The following LMNTD1 variants were observed in gnomAD, a reference collection of about 807,000 sequenced individuals.
LMNTD1 encodes the protein lamin tail domain-containing protein 1.
Under a neutral mutation model 50.9 loss-of-function variants are expected in LMNTD1, and 35 were observed. That is an observed-to-expected ratio of 0.69 (90% CI 0.53 to 0.91). The LOEUF (loss-of-function observed/expected upper bound fraction) is 0.91. Ranked by LOEUF, LMNTD1 falls within the 40% of genes least tolerant of loss-of-function variation. The pLI, the probability that LMNTD1 is intolerant of heterozygous loss-of-function variation, is 0.00. For synonymous variants in LMNTD1, 153 were observed against 161.9 expected (o/e 0.94, Z 0.42); for missense variants, 470 against 475.5 (o/e 0.99, Z 0.11).
chr12:25,519,862 TAAG>T lies in LMNTD1; in HGVS notation c.1009_1011del (p.Leu337del). 3 of 1,607,636 alleles carry T rather than the reference TAAG, an allele frequency of 1.9e-6. No homozygotes were observed. Among genetic ancestry groups the T allele is most frequent in the South Asian group, 2.2e-5 (2 of 90,778 alleles). On this transcript the variant is annotated inframe_deletion, in exon 7 of 10. Coordinates refer to ENST00000458174, the MANE Select transcript of LMNTD1 (RefSeq NM_001145728.2). ...AACAAACCAAACAACCCTTACCTCT[TAAG>T]AAGAACTTGAGCTTGTTCCACCTGA...
At chr12:25,634,334 A>T (rs1009564801) in intron 1 of LMNTD1, among the ~76,000 whole-genome samples, 1 of 152,222 alleles carries the variant, frequency 6.6e-6, no homozygotes, top group Non-Finnish European at 1.5e-5. Flanking sequence ...AATTCATTCT[A>T]TGAAGCCAGC....
At chr12:25,549,958 A>G (rs1195372257) in intron 2 of LMNTD1, among the ~76,000 whole-genome samples, 1 of 152,146 alleles carries the variant, frequency 6.6e-6, no homozygotes, top group South Asian at 2.1e-4. Context: ...CCTTTCCGTT[A>G]TCATAAAATC....
At chr12:25,572,845 G>GA (rs1249777399) in intron 1 of LMNTD1, among the ~76,000 whole-genome samples, 5 of 148,702 alleles carry the variant, frequency 3.4e-5, no homozygotes, top group East Asian at 4.1e-4. Context: ...TAACTTTAGG[G>GA]AAAAAAACAG....
At position 25,523,114 on chromosome 12, in the gene LMNTD1, A is replaced by T. The variant is rs151185721; in HGVS notation, c.798+2985T>A. On this transcript the variant is annotated intron_variant, in intron 6 of 9. Coordinates refer to ENST00000458174, the MANE Select transcript of LMNTD1 (RefSeq NM_001145728.2). ...AGTGGTGCAATCTTGGCTCACTGCA[A>T]CCTCCGCCTCCCAGGTTCAAGCAAT... Among the ~76,000 whole-genome samples the T allele has an allele frequency of 3.3e-5, 5 of 152,072 alleles. No homozygotes were observed. The South Asian group carries it at 1.0e-3, about 32-fold the overall frequency.
At chr12:25,585,416 A>G (rs1945478091) in intron 1 of LMNTD1, among the ~76,000 whole-genome samples, 1 of 152,220 alleles carries the variant, frequency 6.6e-6, no homozygotes, top group Non-Finnish European at 1.5e-5. Context: ...CTGTGATGAA[A>G]CAGGTCATTT....
chr12:25,523,270 G>C (rs1941474584), intron 6 of LMNTD1, among the ~76,000 whole-genome samples: 1 of 152,150 alleles, frequency 6.6e-6, no homozygotes, highest in Non-Finnish European at 1.5e-5. Flanking sequence ...CTGACCTTGT[G>C]ATCCGCCCGC....
At chr12:25,496,769 G>A (rs1353329707) in intron 9 of LMNTD1, among the ~76,000 whole-genome samples, 4 of 152,128 alleles carry the variant, frequency 2.6e-5, no homozygotes, top group Non-Finnish European at 5.9e-5. Context: ...GTGGCATTAA[G>A]TACATTCACA....
At chr12:25,479,729 C>G (rs1938382985) in intron 9 of LMNTD1, among the ~76,000 whole-genome samples, 1 of 152,216 alleles carries the variant, frequency 6.6e-6, no homozygotes, top group Non-Finnish European at 1.5e-5. Flanking sequence ...TAGGCAAACT[C>G]ATATCTGGAG....
intron 1 of LMNTD1, among the ~76,000 whole-genome samples, chr12:25,632,671 G>C (rs539336589): frequency 2.6e-4 from 39 of 152,062 alleles, no homozygotes; most frequent in Non-Finnish European, 5.0e-4. Context: ...ATGAATCCTG[G>C]AAACACATCA....
At chr12:25,485,389 T>C (rs889600746) in intron 9 of LMNTD1, among the ~76,000 whole-genome samples, 9 of 116,964 alleles carry the variant, frequency 7.7e-5, no homozygotes, top group African/African-American at 2.9e-4. Context: ...GAGTTCATTG[T>C]AGATTCTGGA....
chr12:25,506,536 G>C (rs140308802), intron 8 of LMNTD1, among the ~76,000 whole-genome samples: 194 of 152,010 alleles, frequency 1.3e-3, no homozygotes, highest in African/African-American at 4.6e-3. Flanking sequence ...TGGCAAAATT[G>C]TCGATAATCT....
chr12:25,631,412 T>C (rs1318417740), intron 1 of LMNTD1, among the ~76,000 whole-genome samples: 1 of 152,050 alleles, frequency 6.6e-6, no homozygotes, highest in African/African-American at 2.4e-5. Context: ...CCTTGCCACC[T>C]CCACCAGAAC....
intron 1 of LMNTD1, among the ~76,000 whole-genome samples, chr12:25,617,745 C>T (rs1946378942): frequency 6.6e-6 from 1 of 152,174 alleles, no homozygotes; most frequent in South Asian, 2.1e-4. Flanking sequence ...GAAACTCTAT[C>T]AATTGCAATG....
chr12:25,543,651 T>C (rs1340015405), intron 4 of LMNTD1, among the ~76,000 whole-genome samples: 1 of 151,928 alleles, frequency 6.6e-6, no homozygotes, highest in Non-Finnish European at 1.5e-5. Context: ...TTTTCTTGCT[T>C]TCCTAGTTCT....
chr12:25,628,873 C>A (rs151200481), intron 1 of LMNTD1, among the ~76,000 whole-genome samples: 1 of 152,098 alleles, frequency 6.6e-6, no homozygotes, highest in Admixed American at 6.5e-5. Flanking sequence ...GGAGAATAAA[C>A]CTGTATTGTT....
chr12:25,560,525 G>T (rs1292996425), intron 1 of LMNTD1, among the ~76,000 whole-genome samples: 1 of 152,134 alleles, frequency 6.6e-6, no homozygotes, highest in Non-Finnish European at 1.5e-5. Flanking sequence ...TGGCAATGAG[G>T]GCTCTTTTTT....
intron 9 of LMNTD1, among the ~76,000 whole-genome samples, chr12:25,498,206 G>A (rs1284165462): frequency 1.3e-5 from 2 of 152,090 alleles, no homozygotes; most frequent in African/African-American, 4.8e-5. Flanking sequence ...TATAGAATAA[G>A]ATAGCTGTAG....
chr12:25,600,451 A>G (rs920501399), intron 1 of LMNTD1, among the ~76,000 whole-genome samples: 1 of 151,956 alleles, frequency 6.6e-6, no homozygotes, highest in Non-Finnish European at 1.5e-5. Flanking sequence ...GACAAAGAGG[A>G]TCAAATCAAG....
intron 1 of LMNTD1, among the ~76,000 whole-genome samples, chr12:25,581,639 A>T (rs746562602): frequency 9.8e-5 from 15 of 152,372 alleles, no homozygotes; most frequent in Non-Finnish European, 2.1e-4. Flanking sequence ...GAAAATATAC[A>T]GTTGTGTGTT....
Sources: allele counts gnomAD v4.1 joint callset (sites outside exome capture counted in the v4.1 genomes callset), GRCh38; gene constraint gnomAD v4.1.1; transcripts MANE v1.5; gene names NCBI Gene and HGNC (gene_info 2026-07-23, HGNC 2026-07-21).